AUTS2: variants seen among roughly 807,000 people sequenced by gnomAD.
AUTS2 encodes autism susceptibility gene 2 protein.
In AUTS2, 17 loss-of-function variants were observed where a neutral mutation model predicts 112.4. The observed-to-expected ratio is 0.15, with a 90% CI of 0.10 to 0.23. The LOEUF (loss-of-function observed/expected upper bound fraction) is 0.23, where lower values mean the gene tolerates loss of function less well. AUTS2 is among the 10% of genes least tolerant of loss of function. The pLI, the probability that AUTS2 is intolerant of heterozygous loss-of-function variation, is 1.00. For missense variants in AUTS2, 1,510 were observed against 1,701.6 expected, an observed-to-expected ratio of 0.89 and a Z score of 1.98; for synonymous variants, 751 against 702.7, an observed-to-expected ratio of 1.07 and a Z score of -1.09.
At chr7:70,534,737 T>C (rs1166569622) in intron 5 of AUTS2, among the ~76,000 whole-genome samples, 1 of 152,124 alleles carries the variant, frequency 6.6e-6, no homozygotes, top group Non-Finnish European at 1.5e-5. Flanking sequence ...TTTTTTGTTT[T>C]TTAAATAGGC....
At chr7:69,609,402 A>C (rs982108603) in intron 1 of AUTS2, among the ~76,000 whole-genome samples, 6 of 152,202 alleles carry the variant, frequency 3.9e-5, no homozygotes, top group African/African-American at 1.4e-4. Context: ...CCCTGAAATT[A>C]GTTGGCCTTT....
chr7:70,385,386 T>G (rs1793564368), intron 4 of AUTS2, among the ~76,000 whole-genome samples: 1 of 152,230 alleles, frequency 6.6e-6, no homozygotes, highest in Non-Finnish European at 1.5e-5. Flanking sequence ...TATTTCAGTA[T>G]GACTTGCCAA....
intron 1 of AUTS2, among the ~76,000 whole-genome samples, chr7:69,704,343 T>C (rs1027621680): frequency 3.9e-5 from 6 of 152,060 alleles, no homozygotes; most frequent in Non-Finnish European, 8.8e-5. Context: ...GGTGGTGCGA[T>C]CTCTGCTCAC....
At chr7:70,210,610 C>A (rs568413508) in intron 4 of AUTS2, among the ~76,000 whole-genome samples, 1 of 152,120 alleles carries the variant, frequency 6.6e-6, no homozygotes, top group South Asian at 2.1e-4. Flanking sequence ...TGGAAGGGGC[C>A]AAGACAGAGT....
At chr7:70,506,665 A>C (rs992754453) in intron 5 of AUTS2, among the ~76,000 whole-genome samples, 3 of 152,204 alleles carry the variant, frequency 2.0e-5, no homozygotes, top group Admixed American at 6.5e-5. Context: ...TACACCATCT[A>C]TCTCTGGAGA....
intron 5 of AUTS2, among the ~76,000 whole-genome samples, chr7:70,486,200 C>G (rs931929179): frequency 1.5e-4 from 23 of 152,042 alleles, no homozygotes; most frequent in African/African-American, 5.1e-4. Flanking sequence ...GGTGCCACCC[C>G]AGTCCTCCAA....
chr7:70,607,071 G>T (rs1803820887), intron 5 of AUTS2, among the ~76,000 whole-genome samples: 1 of 152,104 alleles, frequency 6.6e-6, no homozygotes, highest in Admixed American at 6.5e-5. Context: ...GAGTGATTTG[G>T]AGTGTTTCTC....
chr7:70,691,229 C>CTAT (rs1272815474), intron 5 of AUTS2, among the ~76,000 whole-genome samples: 1 of 152,030 alleles, frequency 6.6e-6, no homozygotes, highest in Non-Finnish European at 1.5e-5. Flanking sequence ...TCTCTGCTTT[C>CTAT]TATTAGAAAG....
intron 4 of AUTS2, among the ~76,000 whole-genome samples, chr7:70,188,486 T>A (rs1313772856): frequency 6.6e-6 from 1 of 152,208 alleles, no homozygotes; most frequent in African/African-American, 2.4e-5. Flanking sequence ...AATGGAGGGA[T>A]GGTCTTTAGT....
chr7:69,658,090 T>A (rs1055766819), intron 1 of AUTS2, among the ~76,000 whole-genome samples: 4 of 152,262 alleles, frequency 2.6e-5, no homozygotes, highest in Admixed American at 2.6e-4. Context: ...AATTTGAATT[T>A]CAGTGTTCAT....
intron 2 of AUTS2, among the ~76,000 whole-genome samples, chr7:69,997,898 A>G (rs1220342304): frequency 1.3e-5 from 2 of 152,216 alleles, no homozygotes; most frequent in African/African-American, 4.8e-5. Flanking sequence ...CTCAGTGGAA[A>G]TGAGAATCAG....
chr7:70,762,033 G>C (rs559609975), intron 6 of AUTS2, among the ~76,000 whole-genome samples: 1 of 152,250 alleles, frequency 6.6e-6, no homozygotes, highest in Admixed American at 6.5e-5. Flanking sequence ...AGCACTTGCT[G>C]AACAAAAAAT....
At position 69,984,679 on chromosome 7, in the gene AUTS2, G is replaced by T. The variant is rs561162086; in HGVS notation, c.522+85181G>T. On this transcript the variant is annotated intron_variant, in intron 2 of 18. Transcript: ENST00000342771. ...CTGCCTCTGAGGTGGATAGTCTCTA[G>T]AAATCCTTTCCCTGTCCTGGAGCAG... Among the ~76,000 whole-genome samples, 18 of 152,284 alleles carry T rather than the reference G, an allele frequency of 1.2e-4. No homozygotes were observed. The South Asian group carries it at 3.7e-3, about 32-fold the overall frequency.
Position 70,209,549 on chromosome 7 carries a change from A to G in AUTS2, c.660+74978A>G, listed in dbSNP as rs1334989442. On this transcript the variant is annotated intron_variant, in intron 4 of 18. Transcript: ENST00000342771. Reference sequence around the variant, plus strand: ...AATATAAATAAAGAAGGGGGCTGAGAACAGAGTCTCATTTATAATATCCTG... The same window carrying G: ...AATATAAATAAAGAAGGGGGCTGAGGACAGAGTCTCATTTATAATATCCTG... 2.0e-5 allele frequency among the ~76,000 whole-genome samples: 3 copies of G among 152,138 alleles called. No individual in the cohort carries two copies. The East Asian group carries it at 5.8e-4, about 29-fold the overall frequency.
intron 4 of AUTS2, among the ~76,000 whole-genome samples, chr7:70,239,557 T>C (rs1812499204): frequency 1.3e-5 from 2 of 152,146 alleles, no homozygotes; most frequent in South Asian, 4.1e-4. Context: ...TGCCTAAGCC[T>C]CCTGAGTAGC....
Position 70,729,801 on chromosome 7 carries a change from G to A in AUTS2, c.742+31181G>A, listed in dbSNP as rs539843263. On this transcript the variant is annotated intron_variant, in intron 6 of 18. Transcript: ENST00000342771. ...ATTGAATGAACTGTATAAGCACAAT[G>A]TCATGAACTTCTAATTTCCTCTTGC... is the stretch of plus-strand genomic sequence containing the variant. Among the ~76,000 whole-genome samples, 32 of 152,318 alleles carry A rather than the reference G, an allele frequency of 2.1e-4. 3 individuals carry two copies. The South Asian group carries it at 6.0e-3, about 29-fold the overall frequency.
chr7:70,361,301 C>G (rs1792252858), intron 4 of AUTS2, among the ~76,000 whole-genome samples: 1 of 151,992 alleles, frequency 6.6e-6, no homozygotes, highest in Non-Finnish European at 1.5e-5. Flanking sequence ...CCACTGCACT[C>G]CAGCCTGGGT....
At chr7:69,683,759 A>C (rs1443283798) in intron 1 of AUTS2, among the ~76,000 whole-genome samples, 1 of 151,772 alleles carries the variant, frequency 6.6e-6, no homozygotes, top group African/African-American at 2.4e-5. Flanking sequence ...CAAAAAACAA[A>C]AATTGGTCTG....
intron 5 of AUTS2, among the ~76,000 whole-genome samples, chr7:70,605,544 C>CTTTTTTTTTTTTTTTTTTTTTT (rs760981505): frequency 2.5e-5 from 1 of 40,542 alleles, no homozygotes. Flanking sequence ...TTCCTTCTTT[C>CTTTTTTTTTTTTTTTTTTTTTT]TCTTTTTTTT....
Sources: gnomAD v4.1 joint callset for allele counts (sites outside exome capture counted in the v4.1 genomes callset) on GRCh38, gnomAD v4.1.1 for gene constraint, MANE v1.5 for transcripts, NCBI Gene and HGNC (gene_info 2026-07-23, HGNC 2026-07-21) for gene names.